Variants in DNAJC13 observed in about 807,000 individuals in gnomAD.
The protein encoded by DNAJC13 is DnaJ heat shock protein family (Hsp40) member C13, also known as dnaJ homolog subfamily C member 13.
In DNAJC13, 75 loss-of-function variants were observed where a neutral mutation model predicts 290.5. The ratio of observed to expected loss-of-function variants is 0.26; its 90% CI spans 0.21 to 0.31. The LOEUF is 0.31. Ranked by LOEUF, DNAJC13 falls within the 10% of genes least tolerant of loss-of-function variation. The probability of loss-of-function intolerance (pLI) is 1.00; values close to 1 mark genes in which losing one functional copy is unlikely to be tolerated. For synonymous variants in DNAJC13, 862 were observed against 892.0 expected (o/e 0.97, Z 0.60); for missense variants, 2,260 against 2,674.5 (o/e 0.85, Z 3.42).
At chr3:132,441,663 T>C (rs1933073905) in intron 2 of DNAJC13, among the ~76,000 whole-genome samples, 1 of 152,324 alleles carries the variant, frequency 6.6e-6, no homozygotes, top group East Asian at 1.9e-4. Context: ...TCTATTATAA[T>C]ACTGAATTAC....
At position 132,462,487 on chromosome 3, in the gene DNAJC13, A is replaced by G. The variant is rs754726308; in HGVS notation, c.1734A>G (p.Ile578Met). 5 of 1,609,314 alleles carry G rather than the reference A, an allele frequency of 3.1e-6. No homozygotes were observed. The South Asian group carries it at 4.5e-5, about 14-fold the overall frequency. The change falls in exon 16 of 56, where the codon ATA (isoleucine) becomes ATG (methionine). Residue 578 changes from isoleucine (I) to methionine (M), a missense_variant. Around this residue, in one of 3 missense-constraint regions of DNAJC13, gnomAD observed 762 missense variants for 964.1 expected, o/e 0.79. Coordinates refer to ENST00000260818, the MANE Select transcript of DNAJC13 (RefSeq NM_015268.4). Reference protein sequence around the residue: ...KLFQHPSMAIIKGAGLVMKAI... With the variant: ...KLFQHPSMAIMKGAGLVMKAI... The stretch of plus-strand genomic sequence containing the variant: ...TAAAGCATCCTTCCATGGCAATAAT[A>G]AAAGGAGCTGGGTTGGTTATGAAGG...
At chr3:132,418,406 C>G (rs751745274) in intron 1 of DNAJC13, among the ~76,000 whole-genome samples, 2 of 152,160 alleles carry the variant, frequency 1.3e-5, no homozygotes, top group African/African-American at 2.4e-5. Flanking sequence ...AGTGAAGTGG[C>G]TGTTAATCAC....
chr3:132,465,845 T>G (rs968225063), intron 17 of DNAJC13, 150 bp from the exon 18 acceptor site: 5 of 550,664 alleles, frequency 9.1e-6, no homozygotes, highest in African/African-American at 5.6e-5. Flanking sequence ...CTCTCCACAT[T>G]AAATTTTTTA....
At chr3:132,437,011 T>C (rs1456642328) in intron 2 of DNAJC13, among the ~76,000 whole-genome samples, 1 of 151,946 alleles carries the variant, frequency 6.6e-6, no homozygotes, top group African/African-American at 2.4e-5. Flanking sequence ...CCCGAGTAGC[T>C]GGGATTACAG....
chr3:132,447,792 T>G lies in DNAJC13; in HGVS notation c.295-106T>G, dbSNP rs184430161. ...ATAACTTGAATAACAGTTTTTAGTG[T>G]CCAGGTTACCAAGTCAGGATTTTAC... is the stretch of plus-strand genomic sequence containing the variant. On this transcript the variant is annotated intron_variant, in intron 4 of 55. Transcript: ENST00000260818. The G allele has an allele frequency of 9.3e-6, 8 of 856,892 alleles. No homozygotes were observed. In the Admixed American group the frequency reaches 1.2e-4, roughly 13 times the overall value. The allele number at this position is 856,892 out of a possible 1,614,324, so 53.1% of individuals were successfully genotyped here. A position where few individuals can be genotyped will look rare whatever the true frequency, so the allele number is the denominator to read the frequency against.
chr3:132,482,248 C>T lies in DNAJC13; in HGVS notation c.2897C>T (p.Pro966Leu). Residue 966 changes from proline to leucine, a missense_variant, in exon 27 of 56, where the codon CCA becomes CTA. Around this residue, in one of 3 missense-constraint regions of DNAJC13, gnomAD observed 1,494 missense variants for 1,693.7 expected, o/e 0.88. Transcript: ENST00000260818. Reference protein sequence around the residue: ...PLQSNVIEAAPDMKRESEKEW... With the variant: ...PLQSNVIEAALDMKRESEKEW... ...TAGAGCAATGTAATTGAAGCTGCTC[C>T]AGATATGAAAAGAGAGAGTGAAAAG... The T allele has an allele frequency of 6.2e-7, 1 of 1,613,322 alleles. No individual in the cohort carries two copies. The highest frequency in any genetic ancestry group is 1.1e-5 in the South Asian group (1 of 91,036).
intron 6 of DNAJC13, among the ~76,000 whole-genome samples, chr3:132,452,828 G>C (rs1320381891): frequency 6.6e-6 from 1 of 152,214 alleles, no homozygotes; most frequent in African/African-American, 2.4e-5. Context: ...AGCCCAGAAA[G>C]TTGGTTTGTA....
In DNAJC13 at chr3:132,492,441, C is replaced by A. The variant is rs61748100; in HGVS notation, c.3651C>A (p.Ala1217=). 1 of 1,613,786 alleles carries A rather than the reference C, an allele frequency of 6.2e-7. No individual in the cohort carries two copies. The highest frequency in any genetic ancestry group is 1.1e-5 in the South Asian group (1 of 91,056). The change falls in exon 33 of 56, where the codon GCC becomes GCA. Residue 1217 remains alanine, a synonymous_variant. Coordinates refer to ENST00000260818, the MANE Select transcript of DNAJC13 (RefSeq NM_015268.4). ...MRRLMIEKIA[A]HLADFTPRLQ... ...GCCTGATGATAGAGAAGATTGCTGC[C>A]CATCTCGCGGATTTCACACCTCGTC...
chr3:132,454,227 C>A, intron 9 of DNAJC13, 70 bp downstream of exon 9: 1 of 1,066,790 alleles, frequency 9.4e-7, no homozygotes, highest in Non-Finnish European at 1.4e-6. Flanking sequence ...ACAAGGAAAA[C>A]CAAAGATATG....
At chr3:132,462,560 A>C in intron 16 of DNAJC13, 37 bp downstream of exon 16, 1 of 1,478,750 alleles carries the variant, frequency 6.8e-7, no homozygotes, top group Non-Finnish European at 9.3e-7. Context: ...CCTTACTTGA[A>C]TGTTGATAGG....
intron 5 of DNAJC13, among the ~76,000 whole-genome samples, chr3:132,449,270 CCTT>C (rs144503880): frequency 0.048 from 7,330 of 152,222 alleles, 327 homozygotes; most frequent in African/African-American, 0.12. Context: ...TCTCAAAAGT[CCTT>C]CTTGGTTGGC....
At position 132,446,471 on chromosome 3, in the gene DNAJC13, G is replaced by C; in HGVS notation, c.69-4G>C. The C allele has an allele frequency of 6.3e-7, 1 of 1,595,360 alleles. No homozygotes were observed. The highest frequency in any genetic ancestry group is 8.5e-7 in the Non-Finnish European group (1 of 1,173,416). ...TAAATTTAAGCACTTGTTTTCCTTT[G>C]TAGGTATAAGCGTGTCTTTTCAGTT... On this transcript the variant is annotated splice_region_variant and splice_polypyrimidine_tract_variant and intron_variant, in intron 2 of 55. Coordinates refer to ENST00000260818, the MANE Select transcript of DNAJC13 (RefSeq NM_015268.4).
chr3:132,418,463 T>C (rs1386088462), intron 1 of DNAJC13, among the ~76,000 whole-genome samples: 1 of 152,192 alleles, frequency 6.6e-6, no homozygotes, highest in East Asian at 1.9e-4. Context: ...AATTTTCTCC[T>C]TTTGTAGCGT....
At chr3:132,449,186 G>A (rs1401016993) in intron 5 of DNAJC13, among the ~76,000 whole-genome samples, 3 of 152,024 alleles carry the variant, frequency 2.0e-5, no homozygotes, top group East Asian at 1.9e-4. Flanking sequence ...CTGGCTAAAC[G>A]GCACTCTTCT....
At chr3:132,455,541 C>T (rs560503646) in intron 9 of DNAJC13, among the ~76,000 whole-genome samples, 1 of 152,052 alleles carries the variant, frequency 6.6e-6, no homozygotes, top group African/African-American at 2.4e-5. Context: ...CATGAATGTT[C>T]GTAATATCAT....
At chr3:132,514,831 A>C (rs904850030) in intron 46 of DNAJC13, 161 bp downstream of exon 46, 5 of 587,264 alleles carry the variant, frequency 8.5e-6, no homozygotes, top group Non-Finnish European at 1.2e-5. Flanking sequence ...TACATACGTT[A>C]CTGTCTTGCA....
intron 28 of DNAJC13, 87 bp downstream of exon 28, chr3:132,483,664 T>C (rs149349077): frequency 1.5e-6 from 2 of 1,348,372 alleles, no homozygotes; most frequent in African/African-American, 2.9e-5. Context: ...AAAACAAAGA[T>C]GTCCTATTTA....
chr3:132,439,685 TC>T (rs1169388900), intron 2 of DNAJC13, among the ~76,000 whole-genome samples: 4 of 152,238 alleles, frequency 2.6e-5, no homozygotes, highest in Non-Finnish European at 5.9e-5. Context: ...AGACATTGCA[TC>T]ATGGAATTTA....
chr3:132,428,011 T>C (rs966915868), intron 1 of DNAJC13, among the ~76,000 whole-genome samples: 3 of 152,238 alleles, frequency 2.0e-5, no homozygotes, highest in African/African-American at 7.2e-5. Flanking sequence ...CCTGTTGTGC[T>C]AGTCTCTAGT....
Sources: gnomAD v4.1 joint callset for allele counts (sites outside exome capture counted in the v4.1 genomes callset) on GRCh38, gnomAD v4.1.1 for gene constraint, gnomAD v4.1.1 regional missense constraint, MANE v1.5 for transcripts, NCBI Gene and HGNC (gene_info 2026-07-23, HGNC 2026-07-21) for gene names.